Variants in COQ8A observed in about 807,000 individuals in gnomAD.
The protein encoded by COQ8A is atypical kinase COQ8A, mitochondrial.
Under a neutral mutation model 65.0 loss-of-function variants are expected in COQ8A, and 51 were observed. That is an observed-to-expected ratio of 0.78 (90% CI 0.63 to 0.99). COQ8A has a LOEUF of 0.99. COQ8A is among the 50% of genes least tolerant of loss of function. The probability of loss-of-function intolerance (pLI) is 0.00; values close to 1 mark genes in which losing one functional copy is unlikely to be tolerated. For synonymous variants in COQ8A, 371 were observed against 353.2 expected (o/e 1.05, Z -0.57); for missense variants, 940 against 875.0 (o/e 1.07, Z -0.94).
Position 226,984,294 on chromosome 1 carries a change from T to C in COQ8A, c.1398+59T>C, listed in dbSNP as rs1035689230. 14 of 1,606,264 alleles carry C rather than the reference T, an allele frequency of 8.7e-6. No homozygotes were observed. In the African/African-American group the frequency reaches 1.7e-4, roughly 20 times the overall value. ...GTGGCCCTGCTGTGTGGCTGTTTGG[T>C]GACCTAATAGTGTGAGCTGGGGACT... On this transcript the variant is annotated intron_variant, in intron 11 of 14. Transcript: ENST00000366777.
intron 5 of COQ8A, among the ~76,000 whole-genome samples, chr1:226,980,721 C>G (rs1279568190): frequency 6.6e-6 from 1 of 152,270 alleles, no homozygotes; most frequent in Non-Finnish European, 1.5e-5. Context: ...CTTCACAGGT[C>G]CCTTCCTGCT....
chr1:226,979,904 C>T (rs1659586593), intron 5 of COQ8A, among the ~76,000 whole-genome samples: 1 of 152,212 alleles, frequency 6.6e-6, no homozygotes, highest in African/African-American at 2.4e-5. Flanking sequence ...CTGTCCCCTA[C>T]TGTCCTCTCC....
In COQ8A at chr1:226,968,972, A is replaced by G. The variant is rs149737946; in HGVS notation, c.655+3235A>G. Reference sequence around the variant, plus strand: ...TCATAATAGCTGTCCTTTGATTACAACTGTGCTTCCAGTGTGACCTTGGGC... The same window carrying G: ...TCATAATAGCTGTCCTTTGATTACAGCTGTGCTTCCAGTGTGACCTTGGGC... On this transcript the variant is annotated intron_variant, in intron 4 of 14. Transcript: ENST00000366777. Among the ~76,000 whole-genome samples the G allele has an allele frequency of 4.8e-3, 737 of 152,278 alleles. 2 individuals carry two copies. Among genetic ancestry groups the G allele is most frequent in the Non-Finnish European group, 7.1e-3 (481 of 68,022 alleles).
rs778137702 is a variant in COQ8A, at chr1:226,965,051, G to C, written c.229G>C (p.Gly77Arg). The change falls in exon 3 of 15, where the codon GGG becomes CGG. Residue 77 changes from glycine (G) to arginine (R), a missense_variant. Gly to Arg is a moderately radical substitution (Grantham distance 125). Coordinates refer to ENST00000366777, the MANE Select transcript of COQ8A (RefSeq NM_020247.5). ...YFAENFGGPE[G>R]EFHFSVPHAA... The stretch of plus-strand genomic sequence containing the variant: ...TGCTGAGAACTTCGGCGGCCCAGAA[G>C]GGGAGTTCCACTTCTCAGTCCCGCA... 1 of 1,614,044 alleles carries C rather than the reference G, an allele frequency of 6.2e-7. No homozygotes were observed.
chr1:226,971,779 T>C (rs1658924690), intron 4 of COQ8A, among the ~76,000 whole-genome samples: 1 of 152,200 alleles, frequency 6.6e-6, no homozygotes, highest in African/African-American at 2.4e-5. Context: ...CTTTTACGAT[T>C]TCCTTTTTGT....
At chr1:226,977,859 A>C (rs1294489975) in intron 5 of COQ8A, among the ~76,000 whole-genome samples, 3 of 139,390 alleles carry the variant, frequency 2.2e-5, no homozygotes, top group African/African-American at 8.2e-5. Context: ...CAACCCCTGC[A>C]CACCCACCGA....
intron 1 of COQ8A, among the ~76,000 whole-genome samples, chr1:226,941,391 A>G (rs1572006867): frequency 6.6e-6 from 1 of 152,156 alleles, no homozygotes; most frequent in East Asian, 1.9e-4. Flanking sequence ...TCCTGGCAGG[A>G]GGGCTCTTGG....
rs1223242512 is a variant in COQ8A at position 226,961,459 on chromosome 1, C to T, written c.74C>T (p.Thr25Ile). ...LVKLTQAAVETHLQHLGIGGE... is the reference protein window; with the variant it reads ...LVKLTQAAVEIHLQHLGIGGE... ...AAGCTGACCCAGGCGGCCGTGGAAA[C>T]CCACCTGCAGCACTTGGGCATCGGA... Residue 25 changes from threonine to isoleucine, a missense_variant, in exon 2 of 15, where the codon ACC becomes ATC. Coordinates refer to ENST00000366777, the MANE Select transcript of COQ8A (RefSeq NM_020247.5). 4 of 1,613,856 alleles carry T rather than the reference C, an allele frequency of 2.5e-6. No individual in the cohort carries two copies. The highest frequency in any genetic ancestry group is 2.2e-5 in the East Asian group (1 of 44,886).
At chr1:226,955,374 C>T (rs77430102) in intron 1 of COQ8A, among the ~76,000 whole-genome samples, 4 of 151,122 alleles carry the variant, frequency 2.6e-5, no homozygotes, top group Non-Finnish European at 5.9e-5. Flanking sequence ...CCCTGGCTCC[C>T]ACTCTCCCTG....
At chr1:226,962,536 C>T (rs900373979) in intron 2 of COQ8A, among the ~76,000 whole-genome samples, 10 of 152,134 alleles carry the variant, frequency 6.6e-5, no homozygotes, top group Non-Finnish European at 1.5e-4. Flanking sequence ...TGTGTGTGTG[C>T]GCTTAGGCAT....
intron 14 of COQ8A, 119 bp from the exon 15 acceptor site, chr1:226,986,334 A>T: frequency 8.6e-7 from 1 of 1,166,428 alleles, no homozygotes. Context: ...CCATGATGTA[A>T]TCCAGTTTAC....
intron 1 of COQ8A, among the ~76,000 whole-genome samples, chr1:226,947,405 A>C (rs1163109261): frequency 6.6e-6 from 1 of 152,238 alleles, no homozygotes; most frequent in African/African-American, 2.4e-5. Context: ...GAGGTAATAT[A>C]AAGTGACAGG....
Position 226,984,216 on chromosome 1 carries a change from G to A in COQ8A, c.1379G>A (p.Ser460Asn), listed in dbSNP as rs1361794311. ...CCCCTGGACCAGGCCGAAGGGCTCA[G>A]CCAGGAGATTCGGAACGAGGTTTGT... is the stretch of plus-strand genomic sequence containing the variant. ...GFPLDQAEGL[S>N]QEIRNEICYN... The change falls in exon 11 of 15, where the codon AGC becomes AAC. Residue 460 changes from serine to asparagine, a missense_variant. Coordinates refer to ENST00000366777, the MANE Select transcript of COQ8A (RefSeq NM_020247.5). The A allele has an allele frequency of 2.5e-6, 4 of 1,613,768 alleles. 1 individual carries two copies. In the South Asian group the frequency reaches 4.4e-5, roughly 18 times the overall value.
At chr1:226,948,525 T>C (rs1169249865) in intron 1 of COQ8A, among the ~76,000 whole-genome samples, 1 of 152,216 alleles carries the variant, frequency 6.6e-6, no homozygotes, top group African/African-American at 2.4e-5. Flanking sequence ...ACCCACAGTA[T>C]TTTGGCCAGA....
chr1:226,983,034 G>C lies in COQ8A; in HGVS notation c.1080G>C (p.Gln360His), dbSNP rs1572080011. 1 of 1,584,148 alleles carries C rather than the reference G, an allele frequency of 6.3e-7. No homozygotes were observed. The highest frequency in any genetic ancestry group is 2.3e-5 in the East Asian group (1 of 43,098). ...GCCGCGAGGTGGCCATGAAGATCCA[G>C]GTAGGCGGCCTGATGCGCAGTGCCT... ...KGGREVAMKI[Q>H]YPGVAQSINS... Residue 360 changes from glutamine to histidine, a missense_variant and splice_region_variant, in exon 8 of 15, where the codon CAG (glutamine) becomes CAC (histidine). Physicochemically the swap from Gln to His is conservative, Grantham distance 24. Coordinates refer to ENST00000366777, the MANE Select transcript of COQ8A (RefSeq NM_020247.5).
rs79412575 is a variant in COQ8A at position 226,973,606 on chromosome 1, C to T, written c.656-3843C>T. ...GAGAGCAGCCGCTAGGAACTCCTCT[C>T]GCCTTCCCGTGCCCCTTCCTGCCAT... On this transcript the variant is annotated intron_variant, in intron 4 of 14. Coordinates refer to ENST00000366777, the MANE Select transcript of COQ8A (RefSeq NM_020247.5). Among the ~76,000 whole-genome samples the T allele has an allele frequency of 2.5e-3, 382 of 152,346 alleles. 9 individuals carry two copies. The East Asian group carries it at 0.047, about 19-fold the overall frequency.
At chr1:226,945,522 G>C (rs780716415) in intron 1 of COQ8A, among the ~76,000 whole-genome samples, 2 of 152,234 alleles carry the variant, frequency 1.3e-5, no homozygotes, top group African/African-American at 4.8e-5. Flanking sequence ...TGCCCGGTAA[G>C]CTGAAGGTGG....
At position 226,986,959 on chromosome 1, in the gene COQ8A, C is replaced by G; in HGVS notation, c.*222C>G. The G allele has an allele frequency of 3.3e-6, 2 of 606,920 alleles. No individual in the cohort carries two copies. Among genetic ancestry groups the G allele is most frequent in the South Asian group, 2.0e-5 (1 of 50,922 alleles). The allele number at this position is 606,920 out of a possible 1,614,324, so 37.6% of individuals were successfully genotyped here. ...GATGAAGCCCCACTGCTCGGTCAGT[C>G]TGCCTCCGTGTGTCCTCTGAAATAA... On this transcript the variant is annotated 3_prime_UTR_variant, in exon 15 of 15. Transcript: ENST00000366777.
At chr1:226,983,161 T>C in intron 8 of COQ8A, 127 bp downstream of exon 8, 1 of 1,344,986 alleles carries the variant, frequency 7.4e-7, no homozygotes, top group South Asian at 1.5e-5. Context: ...GGGCCATATG[T>C]GGTGTCTTCT....
Sources: allele counts gnomAD v4.1 joint callset (sites outside exome capture counted in the v4.1 genomes callset), GRCh38; gene constraint gnomAD v4.1.1; transcripts MANE v1.5; gene names NCBI Gene and HGNC (gene_info 2026-07-23, HGNC 2026-07-21).